The following CPA6 variants were observed in gnomAD, a reference collection of about 807,000 sequenced individuals.
CPA6 encodes the protein carboxypeptidase B.
Under a neutral mutation model 63.3 loss-of-function variants are expected in CPA6, and 58 were observed. The ratio of observed to expected loss-of-function variants is 0.92; its 90% CI spans 0.74 to 1.14. CPA6 has a LOEUF of 1.14. CPA6 is among the 50% of genes most tolerant of loss of function. The pLI is 0.00. For missense variants in CPA6, 565 were observed against 526.6 expected, an observed-to-expected ratio of 1.07 and a Z score of -0.71; for synonymous variants, 185 against 179.0, an observed-to-expected ratio of 1.03 and a Z score of -0.27.
At chr8:67,655,089 C>T (rs1815952974) in intron 1 of CPA6, among the ~76,000 whole-genome samples, 1 of 152,142 alleles carries the variant, frequency 6.6e-6, no homozygotes, top group Non-Finnish European at 1.5e-5. Flanking sequence ...ATCTCTCAGA[C>T]ATGTAAAATG....
At chr8:67,640,426 A>G (rs1587661384) in intron 1 of CPA6, among the ~76,000 whole-genome samples, 1 of 151,352 alleles carries the variant, frequency 6.6e-6, no homozygotes, top group Non-Finnish European at 1.5e-5. Context: ...CTGAGTGTGC[A>G]CACATCTGTC....
chr8:67,636,014 C>T (rs2128989081), intron 1 of CPA6, among the ~76,000 whole-genome samples: 1 of 151,704 alleles, frequency 6.6e-6, no homozygotes, highest in South Asian at 2.1e-4. Context: ...GATATTCACC[C>T]TATCCCCATA....
chr8:67,448,662 AC>A (rs1810486918), intron 8 of CPA6, among the ~76,000 whole-genome samples: 2 of 124,596 alleles, frequency 1.6e-5, no homozygotes, highest in East Asian at 2.2e-4. Flanking sequence ...AAAGGAAAGA[AC>A]GAAAAAGAAA....
At chr8:67,658,296 C>T (rs1439089600) in intron 1 of CPA6, among the ~76,000 whole-genome samples, 1 of 152,122 alleles carries the variant, frequency 6.6e-6, no homozygotes, top group African/African-American at 2.4e-5. Context: ...TGACTGTCTC[C>T]CTGGCTGCAG....
chr8:67,618,067 G>A (rs1017361750), intron 2 of CPA6, among the ~76,000 whole-genome samples: 8 of 152,146 alleles, frequency 5.3e-5, no homozygotes, highest in African/African-American at 1.9e-4. Context: ...TTAACTGATT[G>A]GGACCCTAAT....
chr8:67,492,684 C>G (rs909450736), intron 6 of CPA6, among the ~76,000 whole-genome samples: 1 of 152,140 alleles, frequency 6.6e-6, no homozygotes, highest in Non-Finnish European at 1.5e-5. Context: ...CTCTGTCCTG[C>G]TTCAGCTTGC....
intron 2 of CPA6, among the ~76,000 whole-genome samples, chr8:67,562,586 G>A (rs1429017819): frequency 6.6e-6 from 1 of 152,194 alleles, no homozygotes; most frequent in Non-Finnish European, 1.5e-5. Flanking sequence ...CCCCCAAGGT[G>A]ATGGTATTAG....
chr8:67,635,549 C>T lies in CPA6; in HGVS notation c.117-11298G>A, dbSNP rs562687200. Among the ~76,000 whole-genome samples, 74 of 151,754 alleles carry T rather than the reference C, an allele frequency of 4.9e-4. 2 individuals are homozygous for T. The highest frequency in any genetic ancestry group is 1.7e-3 in the African/African-American group (70 of 41,030). ...TTGGGAAGCCAAGGAGGGGGGATCA[C>T]CTGAGGTCAGGAGTTTGAGACCAGC... On this transcript the variant is annotated intron_variant, in intron 1 of 10. Transcript: ENST00000297770.
chr8:67,592,563 G>T (rs1341670058), intron 2 of CPA6, among the ~76,000 whole-genome samples: 1 of 151,748 alleles, frequency 6.6e-6, no homozygotes, highest in African/African-American at 2.4e-5. Flanking sequence ...CACAATTTCA[G>T]ATCCTGTTAT....
At chr8:67,638,104 G>A (rs1317687763) in intron 1 of CPA6, among the ~76,000 whole-genome samples, 1 of 151,276 alleles carries the variant, frequency 6.6e-6, no homozygotes, top group Non-Finnish European at 1.5e-5. Context: ...CACAATGAGT[G>A]AAGCTAACAC....
Position 67,665,470 on chromosome 8 carries a change from A to G in CPA6, c.117-41219T>C, listed in dbSNP as rs535663413. Among the ~76,000 whole-genome samples, 4 of 152,334 alleles carry G rather than the reference A, an allele frequency of 2.6e-5. No homozygotes were observed. In the South Asian group the frequency reaches 8.3e-4, roughly 32 times the overall value. On this transcript the variant is annotated intron_variant, in intron 1 of 10. Transcript: ENST00000297770. ...AAGTAACTCCAAGTACAAGAACTGAAAACAAAAGATGAAACACTCTGTTGG... is the reference window on the plus strand; with the variant it reads ...AAGTAACTCCAAGTACAAGAACTGAGAACAAAAGATGAAACACTCTGTTGG...
chr8:67,542,911 C>T (rs1475118192), intron 2 of CPA6, among the ~76,000 whole-genome samples: 1 of 152,186 alleles, frequency 6.6e-6, no homozygotes, highest in East Asian at 1.9e-4. Flanking sequence ...GACCTCAGCC[C>T]TCCATCACCC....
chr8:67,445,987 G>A (rs1810402227), intron 8 of CPA6, among the ~76,000 whole-genome samples: 1 of 152,094 alleles, frequency 6.6e-6, no homozygotes. Context: ...ATTTACGGCC[G>A]GGGGCGGTGG....
chr8:67,445,206 G>A (rs1810384413), intron 8 of CPA6, among the ~76,000 whole-genome samples: 1 of 151,158 alleles, frequency 6.6e-6, no homozygotes, highest in African/African-American at 2.5e-5. Flanking sequence ...TAACCTTGGG[G>A]ATAAGAGGCA....
intron 8 of CPA6, among the ~76,000 whole-genome samples, chr8:67,463,410 C>G (rs922285951): frequency 2.0e-5 from 3 of 151,834 alleles, no homozygotes; most frequent in Non-Finnish European, 2.9e-5. Flanking sequence ...CGCCACTGCA[C>G]TCCAGTCTGT....
At chr8:67,584,548 T>C (rs1813873370) in intron 2 of CPA6, among the ~76,000 whole-genome samples, 1 of 152,208 alleles carries the variant, frequency 6.6e-6, no homozygotes, top group African/African-American at 2.4e-5. Context: ...CACAGATTGC[T>C]AGAAATAAGG....
chr8:67,511,562 T>A lies in CPA6; in HGVS notation c.411A>T (p.Glu137Asp). The A allele has an allele frequency of 6.2e-7, 1 of 1,602,702 alleles. No homozygotes were observed. Among genetic ancestry groups the A allele is most frequent in the Non-Finnish European group, 8.5e-7 (1 of 1,169,764 alleles). Residue 137 changes from glutamate (E) to aspartate (D), a missense_variant, in exon 4 of 11, where the codon GAA (glutamate) becomes GAT (aspartate). Transcript: ENST00000297770. Reference sequence around the variant, plus strand: ...ATACTTCTTCTAAGGAGTGATAAACTTCATAATTATATCCAGAGAGGGATC... The same window carrying A: ...ATACTTCTTCTAAGGAGTGATAAACATCATAATTATATCCAGAGAGGGATC... ...NRRSLSGYNY[E>D]VYHSLEEIQN...
At chr8:67,554,890 T>C (rs1017036447) in intron 2 of CPA6, among the ~76,000 whole-genome samples, 4 of 152,024 alleles carry the variant, frequency 2.6e-5, no homozygotes, top group African/African-American at 9.7e-5. Flanking sequence ...TCTTCTCCAC[T>C]CAGTCCACTG....
intron 8 of CPA6, among the ~76,000 whole-genome samples, chr8:67,443,697 G>A (rs970328716): frequency 2.6e-5 from 4 of 152,000 alleles, no homozygotes; most frequent in South Asian, 2.1e-4. Context: ...GGATTTTAAC[G>A]CATGGTCAAA....
Sources: allele counts gnomAD v4.1 joint callset (sites outside exome capture counted in the v4.1 genomes callset), GRCh38; gene constraint gnomAD v4.1.1; transcripts MANE v1.5; gene names NCBI Gene and HGNC (gene_info 2026-07-23, HGNC 2026-07-21).